TAFA5: variants seen among roughly 807,000 people sequenced by gnomAD.
TAFA5 encodes TAFA chemokine like family member 5.
Under a neutral mutation model 15.3 loss-of-function variants are expected in TAFA5, and 6 were observed. The ratio of observed to expected loss-of-function variants is 0.39; its 90% CI spans 0.21 to 0.77. TAFA5 has a LOEUF of 0.77. Among genes scored for constraint, TAFA5 ranks in the 30% least tolerant of loss-of-function variants. TAFA5 has a pLI of 0.41. For missense variants in TAFA5, 161 were observed against 193.1 expected (o/e 0.83, Z 0.98); for synonymous variants, 103 against 80.7 (o/e 1.28, Z -1.48).
chr22:48,611,476 G>A (rs546676126), intron 1 of TAFA5, among the ~76,000 whole-genome samples: 35 of 152,296 alleles, frequency 2.3e-4, no homozygotes, highest in African/African-American at 3.6e-4. Context: ...TTCTAAACTC[G>A]GAACTTGATC....
chr22:48,696,240 G>A (rs1928707917), intron 2 of TAFA5, among the ~76,000 whole-genome samples: 1 of 152,228 alleles, frequency 6.6e-6, no homozygotes, highest in Admixed American at 6.5e-5. Context: ...TGCAGACGCT[G>A]TGGCTTTGCG....
chr22:48,725,805 C>CT (rs1340209201), intron 3 of TAFA5, among the ~76,000 whole-genome samples: 15 of 150,544 alleles, frequency 1.0e-4, no homozygotes, highest in African/African-American at 3.4e-4. Flanking sequence ...GGATGAATAT[C>CT]TAACTGAAGA....
intron 2 of TAFA5, among the ~76,000 whole-genome samples, chr22:48,704,111 G>A (rs554543541): frequency 2.0e-5 from 3 of 152,216 alleles, no homozygotes; most frequent in Admixed American, 6.5e-5. Context: ...GGGAGCCCAC[G>A]TGGGGATTTC....
Position 48,631,123 on chromosome 22 carries a change from TCA to T in TAFA5, c.113-15472_113-15471del, listed in dbSNP as rs558418291. Among the ~76,000 whole-genome samples, 55 of 152,284 alleles carry T rather than the reference TCA, an allele frequency of 3.6e-4. 1 individual carries two copies. Among genetic ancestry groups the T allele is most frequent in the African/African-American group, 1.3e-3 (54 of 41,566 alleles). ...CAGGCAGAGGCAGAGCTCCTTCGGCTCACCCACTCGGGACGGTCAGGGGACCG... is the reference window on the plus strand; with the variant it reads ...CAGGCAGAGGCAGAGCTCCTTCGGCTCCCACTCGGGACGGTCAGGGGACCG... On this transcript the variant is annotated intron_variant, in intron 1 of 3. Transcript: ENST00000402357.
At chr22:48,738,882 AGAT>A (rs567801912) in intron 3 of TAFA5, among the ~76,000 whole-genome samples, 4 of 152,306 alleles carry the variant, frequency 2.6e-5, no homozygotes, top group African/African-American at 9.6e-5. Flanking sequence ...TTCAGGGCCA[AGAT>A]GGGACGCTGC....
chr22:48,562,597 TA>T (rs1185554438), intron 1 of TAFA5, among the ~76,000 whole-genome samples: 2 of 152,114 alleles, frequency 1.3e-5, no homozygotes, highest in Non-Finnish European at 1.5e-5. Flanking sequence ...GGGGGGAATT[TA>T]GCTCCTGTGG....
At chr22:48,641,660 T>C (rs1349506333) in intron 1 of TAFA5, among the ~76,000 whole-genome samples, 1 of 141,552 alleles carries the variant, frequency 7.1e-6, no homozygotes, top group African/African-American at 2.6e-5. Context: ...TCACACACGA[T>C]GCCGTCCCCT....
intron 2 of TAFA5, among the ~76,000 whole-genome samples, chr22:48,693,790 G>C (rs2147240228): frequency 6.6e-6 from 1 of 152,234 alleles, no homozygotes; most frequent in African/African-American, 2.4e-5. Context: ...CATCTTCCAG[G>C]CCACAATCCT....
intron 1 of TAFA5, among the ~76,000 whole-genome samples, chr22:48,622,467 C>A (rs1483818246): frequency 7.2e-5 from 11 of 152,158 alleles, no homozygotes; most frequent in Non-Finnish European, 1.6e-4. Flanking sequence ...CAGCACGGGG[C>A]GCTGGGGATT....
At chr22:48,584,648 TGCACCACACACAC>T (rs756662815) in intron 1 of TAFA5, among the ~76,000 whole-genome samples, 2 of 124,158 alleles carry the variant, frequency 1.6e-5, no homozygotes, top group Non-Finnish European at 3.4e-5. Context: ...ACATCACACA[TGCACCACACACAC>T]AGCACAAATC....
chr22:48,620,054 T>G lies in TAFA5; in HGVS notation c.113-26543T>G, dbSNP rs1302592983. 5.9e-5 allele frequency among the ~76,000 whole-genome samples: 9 copies of G among 152,336 alleles called. No individual in the cohort carries two copies. In the Middle Eastern group the frequency reaches 0.01, roughly 173 times the overall value. On this transcript the variant is annotated intron_variant, in intron 1 of 3. Transcript: ENST00000402357. ...GAAAGAGGAAAAGAAAGCATGAGCCTGAGTCCAGGGTGGAGGATGGCGGCG... is the reference window on the plus strand; with the variant it reads ...GAAAGAGGAAAAGAAAGCATGAGCCGGAGTCCAGGGTGGAGGATGGCGGCG...
intron 1 of TAFA5, among the ~76,000 whole-genome samples, chr22:48,587,386 A>G (rs1316732079): frequency 2.6e-5 from 4 of 152,134 alleles, no homozygotes; most frequent in Non-Finnish European, 1.5e-5. Flanking sequence ...CCTCAGCCAC[A>G]CTGGGAGCTG....
intron 2 of TAFA5, among the ~76,000 whole-genome samples, chr22:48,664,518 A>C (rs539341713): frequency 4.9e-4 from 75 of 152,340 alleles, no homozygotes; most frequent in Non-Finnish European, 1.0e-3. Context: ...TTCTTTTTTA[A>C]AGTGTAACTT....
At chr22:48,646,807 TCTTCCCTGACGCGGCCC>T (rs1014140330) in intron 2 of TAFA5, 61 bp downstream of exon 2, 28 of 1,509,690 alleles carry the variant, frequency 1.9e-5, no homozygotes, top group South Asian at 3.7e-5. Context: ...CAAAGGTGCC[TCTTCCCTGACGCGGCCC>T]CTTACCTGAA....
At chr22:48,706,596 T>G (rs1438103374) in intron 2 of TAFA5, among the ~76,000 whole-genome samples, 1 of 152,222 alleles carries the variant, frequency 6.6e-6, no homozygotes, top group Non-Finnish European at 1.5e-5. Flanking sequence ...AGGGTTGAAG[T>G]CGGTGGTAGA....
intron 1 of TAFA5, among the ~76,000 whole-genome samples, chr22:48,563,611 C>T (rs1457279400): frequency 6.6e-6 from 1 of 152,216 alleles, no homozygotes; most frequent in African/African-American, 2.4e-5. Context: ...TGGAGCTCAG[C>T]GCTGCTGGGC....
In TAFA5 at chr22:48,552,833, C is replaced by A. The variant is rs965928177; in HGVS notation, c.112+63129C>A. On this transcript the variant is annotated intron_variant, in intron 1 of 3. Coordinates refer to ENST00000402357, the MANE Select transcript of TAFA5 (RefSeq NM_001082967.3). This position sits in a 1 kb window ranked among gnomAD's most constrained non-coding sequence, Gnocchi z 4.1. The stretch of plus-strand genomic sequence containing the variant: ...ACCTATATGGGGCTTCCAGGGCTCA[C>A]CCCGAGGGAGGAGGCCCAGAGCCAG... Among the ~76,000 whole-genome samples, 1 of 152,096 alleles carries A rather than the reference C, an allele frequency of 6.6e-6. No individual in the cohort carries two copies. Among genetic ancestry groups the A allele is most frequent in the Non-Finnish European group, 1.5e-5 (1 of 67,996 alleles).
intron 1 of TAFA5, among the ~76,000 whole-genome samples, chr22:48,538,399 G>A (rs1922244375): frequency 6.6e-6 from 1 of 152,202 alleles, no homozygotes; most frequent in African/African-American, 2.4e-5. Flanking sequence ...TGGCTGATTC[G>A]AGGTAGTTGG....
At chr22:48,693,161 T>A (rs1207196437) in intron 2 of TAFA5, 5 of 851,020 alleles carry the variant, frequency 5.9e-6, no homozygotes, top group Non-Finnish European at 9.0e-6. Flanking sequence ...AAGCCTCTGC[T>A]GGAAAATACG....
Sources: allele counts gnomAD v4.1 joint callset (sites outside exome capture counted in the v4.1 genomes callset), GRCh38; gene constraint gnomAD v4.1.1; non-coding constraint Gnocchi (gnomAD v3.1); transcripts MANE v1.5; gene names NCBI Gene and HGNC (gene_info 2026-07-23, HGNC 2026-07-21).